Variants in RSPO2 observed in about 807,000 individuals in gnomAD.
The protein encoded by RSPO2 is R-spondin-2.
A neutral mutation model predicts 30.9 loss-of-function variants in RSPO2; 14 were observed. That is an observed-to-expected ratio of 0.45 (90% confidence interval 0.30 to 0.71). The LOEUF is 0.71. Among genes scored for constraint, RSPO2 ranks in the 30% least tolerant of loss-of-function variants. The probability of loss-of-function intolerance (pLI) is 0.08; values close to 1 mark genes in which losing one functional copy is unlikely to be tolerated. For synonymous variants in RSPO2, 107 were observed against 96.4 expected, an observed-to-expected ratio of 1.11 and a Z score of -0.64; for missense variants, 264 against 301.9, an observed-to-expected ratio of 0.87 and a Z score of 0.93.
intron 2 of RSPO2, among the ~76,000 whole-genome samples, chr8:108,078,820 T>C (rs760162363): frequency 6.6e-6 from 1 of 152,198 alleles, no homozygotes; most frequent in African/African-American, 2.4e-5. Context: ...ACATGAATTA[T>C]ACATTTGGAA....
intron 5 of RSPO2, among the ~76,000 whole-genome samples, chr8:107,946,016 A>G (rs937623932): frequency 6.6e-6 from 1 of 152,254 alleles, no homozygotes; most frequent in African/African-American, 2.4e-5. Context: ...CAAAAGTTAT[A>G]GCAACATTCT....
chr8:108,047,626 C>G (rs910001093), intron 2 of RSPO2, among the ~76,000 whole-genome samples: 2 of 151,872 alleles, frequency 1.3e-5, no homozygotes, highest in Non-Finnish European at 2.9e-5. Context: ...GGCAGGTGGA[C>G]CATTTGAGGT....
At chr8:107,952,849 A>G (rs1813301286) in intron 5 of RSPO2, among the ~76,000 whole-genome samples, 1 of 152,204 alleles carries the variant, frequency 6.6e-6, no homozygotes. Flanking sequence ...AGATTTTTGC[A>G]GAGATCAAGG....
At chr8:108,078,293 G>A (rs908633476) in intron 2 of RSPO2, among the ~76,000 whole-genome samples, 2 of 152,158 alleles carry the variant, frequency 1.3e-5, no homozygotes, top group Non-Finnish European at 2.9e-5. Flanking sequence ...AAAAAATTAT[G>A]CCGTTATGTT....
At chr8:107,909,454 G>GT (rs1811753852) in intron 5 of RSPO2, among the ~76,000 whole-genome samples, 1 of 151,870 alleles carries the variant, frequency 6.6e-6, no homozygotes, top group Non-Finnish European at 1.5e-5. Context: ...GTAGAGACAG[G>GT]TTTTCACCAT....
At chr8:108,082,930 G>C (rs1299487921) in intron 1 of RSPO2, 123 bp from the exon 2 acceptor site, 2 of 386,458 alleles carry the variant, frequency 5.2e-6, no homozygotes, top group Non-Finnish European at 9.2e-6. Flanking sequence ...CCACTGCCTA[G>C]CACGAGCCGC....
chr8:107,938,594 G>T (rs1176495137), intron 5 of RSPO2, among the ~76,000 whole-genome samples: 3 of 152,112 alleles, frequency 2.0e-5, no homozygotes, highest in African/African-American at 7.2e-5. Flanking sequence ...TAAAGTATTT[G>T]GAAGCTAAAC....
At chr8:108,022,139 T>C (rs898685201) in intron 2 of RSPO2, among the ~76,000 whole-genome samples, 12 of 152,094 alleles carry the variant, frequency 7.9e-5, no homozygotes, top group Non-Finnish European at 5.9e-5. Flanking sequence ...CCCCACACCA[T>C]GCTACAAAAG....
Position 107,963,522 on chromosome 8 carries a change from C to CAAAAAAAAAAAAAA in RSPO2, c.284-2719_284-2706dup, listed in dbSNP as rs61697128. 1.9e-4 allele frequency among the ~76,000 whole-genome samples: 6 copies of CAAAAAAAAAAAAAA among 32,020 alleles called. 2 individuals are homozygous for CAAAAAAAAAAAAAA. Among genetic ancestry groups the CAAAAAAAAAAAAAA allele is most frequent in the African/African-American group, 4.6e-4 (3 of 6,558 alleles). The allele number at this position is 32,020 out of a possible 152,430, so 21.0% of individuals were successfully genotyped here. ...TTAGGCAATGAAGTGAGACCTGTCT[C>CAAAAAAAAAAAAAA]AAAAAAAAAAAAAAAAAAAAAAAAA... On this transcript the variant is annotated intron_variant, in intron 3 of 5. Transcript: ENST00000276659.
At chr8:108,057,690 A>C (rs934891972) in intron 2 of RSPO2, among the ~76,000 whole-genome samples, 1 of 151,978 alleles carries the variant, frequency 6.6e-6, no homozygotes, top group Non-Finnish European at 1.5e-5. Context: ...AAACAGGTAG[A>C]AGAGAAAAAA....
intron 5 of RSPO2, among the ~76,000 whole-genome samples, chr8:107,953,569 T>C (rs914957364): frequency 2.0e-4 from 31 of 152,120 alleles, no homozygotes; most frequent in African/African-American, 7.0e-4. Flanking sequence ...TGGTTAAAAG[T>C]TGGGAAGTTT....
At chr8:108,010,395 G>A (rs1563562170) in intron 2 of RSPO2, among the ~76,000 whole-genome samples, 1 of 152,332 alleles carries the variant, frequency 6.6e-6, no homozygotes, top group East Asian at 1.9e-4. Flanking sequence ...GCATCCAGGG[G>A]TGCTCCTTCA....
intron 3 of RSPO2, among the ~76,000 whole-genome samples, chr8:107,963,961 G>GT (rs1357775342): frequency 1.6e-4 from 25 of 152,236 alleles, no homozygotes; most frequent in Admixed American, 3.9e-4. Context: ...CGTATCCTTT[G>GT]TTTTCACATG....
intron 2 of RSPO2, among the ~76,000 whole-genome samples, chr8:107,991,817 A>G (rs1267415060): frequency 6.6e-6 from 1 of 152,210 alleles, no homozygotes; most frequent in African/African-American, 2.4e-5. Context: ...AGAAATGCAA[A>G]TAAGAAATCA....
At chr8:108,029,052 G>GTTTTT (rs1563570335) in intron 2 of RSPO2, among the ~76,000 whole-genome samples, 3 of 48,850 alleles carry the variant, frequency 6.1e-5, no homozygotes, top group Admixed American at 3.2e-4. Flanking sequence ...GTTAACATGA[G>GTTTTT]TCTTTTTTTT....
At chr8:108,082,878 G>A (rs565865104) in intron 1 of RSPO2, 71 bp from the exon 2 acceptor site, 2 of 494,162 alleles carry the variant, frequency 4.0e-6, no homozygotes, top group East Asian at 6.6e-5. Flanking sequence ...CTGCGCCTTC[G>A]CACGTCCCAA....
At chr8:107,924,254 T>A (rs1005582371) in intron 5 of RSPO2, among the ~76,000 whole-genome samples, 1 of 151,750 alleles carries the variant, frequency 6.6e-6, no homozygotes, top group African/African-American at 2.4e-5. Flanking sequence ...CAAAAAGGAA[T>A]GCTGAGGGGG....
At chr8:108,057,212 A>T (rs1323030013) in intron 2 of RSPO2, among the ~76,000 whole-genome samples, 3 of 151,996 alleles carry the variant, frequency 2.0e-5, no homozygotes, top group East Asian at 3.9e-4. Flanking sequence ...TTGAACAATT[A>T]TGATGCAGAC....
At chr8:108,019,980 T>C (rs1811008963) in intron 2 of RSPO2, among the ~76,000 whole-genome samples, 1 of 152,014 alleles carries the variant, frequency 6.6e-6, no homozygotes, top group Non-Finnish European at 1.5e-5. Context: ...AAATACTGTT[T>C]TCCCAGACCT....
Sources: allele counts gnomAD v4.1 joint callset (sites outside exome capture counted in the v4.1 genomes callset), GRCh38; gene constraint gnomAD v4.1.1; transcripts MANE v1.5; gene names NCBI Gene and HGNC (gene_info 2026-07-23, HGNC 2026-07-21).